SPIDR: variants seen among roughly 807,000 people sequenced by gnomAD.
SPIDR encodes the protein DNA repair-scaffolding protein.
In SPIDR, 93 loss-of-function variants were observed where a neutral mutation model predicts 104.6. The ratio of observed to expected loss-of-function variants is 0.89; its 90% CI spans 0.75 to 1.06. The LOEUF (loss-of-function observed/expected upper bound fraction) is 1.06, where lower values mean the gene tolerates loss of function less well. SPIDR is among the 50% of genes least tolerant of loss of function. SPIDR has a pLI of 0.00. For synonymous variants in SPIDR, 431 were observed against 416.9 expected (o/e 1.03, Z -0.41); for missense variants, 1,154 against 1,111.2 (o/e 1.04, Z -0.55).
chr8:47,443,194 C>T lies in SPIDR; in HGVS notation c.1097+2652C>T, dbSNP rs373317341. Among the ~76,000 whole-genome samples the T allele has an allele frequency of 1.7e-4, 26 of 152,224 alleles. 1 individual carries two copies. The highest frequency in any genetic ancestry group is 6.0e-4 in the African/African-American group (25 of 41,548). On this transcript the variant is annotated intron_variant, in intron 8 of 19. Coordinates refer to ENST00000297423, the MANE Select transcript of SPIDR (RefSeq NM_001080394.4). ...GTTTGTAGGTCTGGATCTTACCAAA[C>T]AACCCCTGGGTGTTACTCTCCACAG...
intron 1 of SPIDR, among the ~76,000 whole-genome samples, chr8:47,272,075 A>G (rs2035442548): frequency 6.6e-6 from 1 of 151,932 alleles, no homozygotes; most frequent in African/African-American, 2.4e-5. Context: ...CCTGGGTTCA[A>G]GCGAGTCTCA....
chr8:47,668,911 A>C (rs2075388116), intron 10 of SPIDR, among the ~76,000 whole-genome samples: 1 of 152,216 alleles, frequency 6.6e-6, no homozygotes, highest in Non-Finnish European at 1.5e-5. Flanking sequence ...TATATGGAGA[A>C]ACTTACAAAA....
intron 8 of SPIDR, among the ~76,000 whole-genome samples, chr8:47,484,275 G>A (rs782656629): frequency 1.3e-5 from 2 of 152,226 alleles, no homozygotes; most frequent in African/African-American, 2.4e-5. Flanking sequence ...TTTGATGAGC[G>A]TTCACTTGTC....
At chr8:47,490,509 G>A (rs149460988) in intron 8 of SPIDR, among the ~76,000 whole-genome samples, 2,877 of 152,244 alleles carry the variant, frequency 0.019, 36 homozygotes, top group Middle Eastern at 0.031. Context: ...TATACCGAAA[G>A]GATTATGAAT....
chr8:47,314,822 T>G (rs1554588370), intron 5 of SPIDR, among the ~76,000 whole-genome samples: 1 of 151,872 alleles, frequency 6.6e-6, no homozygotes, highest in Non-Finnish European at 1.5e-5. Flanking sequence ...TGAAAATAGA[T>G]TAAGTGTTTT....
At chr8:47,487,874 A>G (rs1449827149) in intron 8 of SPIDR, among the ~76,000 whole-genome samples, 1 of 152,224 alleles carries the variant, frequency 6.6e-6, no homozygotes, top group Non-Finnish European at 1.5e-5. Flanking sequence ...AGGGAAATTT[A>G]TCGCACTAAA....
chr8:47,716,174 G>A (rs1369597163), intron 16 of SPIDR, among the ~76,000 whole-genome samples: 1 of 151,968 alleles, frequency 6.6e-6, no homozygotes, highest in Non-Finnish European at 1.5e-5. Context: ...TGGCCAGGCT[G>A]GTCTTGAACT....
intron 5 of SPIDR, among the ~76,000 whole-genome samples, chr8:47,337,631 G>T: frequency 6.8e-6 from 1 of 146,544 alleles, no homozygotes. Flanking sequence ...TGTGTCACAT[G>T]TAAGAAACCA....
At chr8:47,567,083 T>TA (rs1188870869) in intron 8 of SPIDR, among the ~76,000 whole-genome samples, 1 of 152,132 alleles carries the variant, frequency 6.6e-6, no homozygotes, top group Admixed American at 6.5e-5. Context: ...TGCAAGTACA[T>TA]AAGTAATCAC....
intron 5 of SPIDR, among the ~76,000 whole-genome samples, chr8:47,319,628 T>G (rs1586881507): frequency 6.6e-6 from 1 of 152,298 alleles, no homozygotes; most frequent in East Asian, 1.9e-4. Context: ...CCACCCCAAA[T>G]GAACAGAATA....
chr8:47,375,348 TCTC>T (rs1441010777), intron 5 of SPIDR, among the ~76,000 whole-genome samples: 1 of 149,682 alleles, frequency 6.7e-6, no homozygotes, highest in Non-Finnish European at 1.5e-5. Flanking sequence ...TTCAAGCAGT[TCTC>T]CTGCTTCAAC....
At chr8:47,628,941 T>C (rs1342593867) in intron 10 of SPIDR, among the ~76,000 whole-genome samples, 1 of 152,222 alleles carries the variant, frequency 6.6e-6, no homozygotes, top group Non-Finnish European at 1.5e-5. Context: ...TGAAAATGTA[T>C]CCTCCATTTA....
rs2087655 is a variant in SPIDR at position 47,445,429 on chromosome 8, G to A, written c.1097+4887G>A. 9.8e-3 allele frequency among the ~76,000 whole-genome samples: 1,494 copies of A among 152,198 alleles called. 27 individuals are homozygous for A. The highest frequency in any genetic ancestry group is 0.033 in the African/African-American group (1,382 of 41,512). On this transcript the variant is annotated intron_variant, in intron 8 of 19. Transcript: ENST00000297423. ...GTGTGCTCTAACTGCTCCATTGACC[G>A]GATGTTCCCCCATCTTACTTTCTCT...
intron 5 of SPIDR, among the ~76,000 whole-genome samples, chr8:47,331,115 C>A (rs545937266): frequency 6.6e-6 from 1 of 152,278 alleles, no homozygotes; most frequent in African/African-American, 2.4e-5. Flanking sequence ...TGTGGAGCAT[C>A]TTTTCTTGTA....
chr8:47,360,702 A>G, intron 5 of SPIDR: 1 of 290,860 alleles, frequency 3.4e-6, no homozygotes, highest in South Asian at 1.3e-4. Flanking sequence ...AGTATGTGAA[A>G]TCTCCCACTT....
chr8:47,397,958 C>T (rs1588159415), intron 6 of SPIDR, among the ~76,000 whole-genome samples: 1 of 152,042 alleles, frequency 6.6e-6, no homozygotes, highest in East Asian at 1.9e-4. Flanking sequence ...GAGAGGAGAG[C>T]CCCAGCTTGA....
intron 6 of SPIDR, among the ~76,000 whole-genome samples, chr8:47,402,410 AGGAGCTGGTTT>A (rs1184029596): frequency 2.0e-5 from 3 of 152,232 alleles, no homozygotes; most frequent in African/African-American, 7.2e-5. Flanking sequence ...CAGTGAATCC[AGGAGCTGGTTT>A]TTTGAAAAGA....
At chr8:47,728,900 G>A in intron 17 of SPIDR, 33 bp from the exon 18 acceptor site, 2 of 1,586,674 alleles carry the variant, frequency 1.3e-6, no homozygotes, top group Non-Finnish European at 1.7e-6. Context: ...TGCCTCCCGG[G>A]GCCTTGTCTT....
chr8:47,691,165 G>T (rs1460306617), intron 11 of SPIDR, among the ~76,000 whole-genome samples: 1 of 151,456 alleles, frequency 6.6e-6, no homozygotes, highest in Admixed American at 6.6e-5. Context: ...GGTGGTGCAC[G>T]CCTGTAATCC....
Sources: gnomAD v4.1 joint callset for allele counts (sites outside exome capture counted in the v4.1 genomes callset) on GRCh38, gnomAD v4.1.1 for gene constraint, MANE v1.5 for transcripts, NCBI Gene and HGNC (gene_info 2026-07-23, HGNC 2026-07-21) for gene names.